PCCB: variants seen among roughly 807,000 people sequenced by gnomAD.
PCCB encodes propionyl-CoA carboxylase subunit beta.
In PCCB, 43 loss-of-function variants were observed where a neutral mutation model predicts 60.7. The observed-to-expected ratio is 0.71, with a 90% confidence interval of 0.55 to 0.91. The LOEUF is 0.91. Ranked by LOEUF, PCCB falls within the 40% of genes least tolerant of loss-of-function variation. The pLI, the probability that PCCB is intolerant of heterozygous loss-of-function variation, is 0.00. For missense variants in PCCB, 766 were observed against 702.8 expected (o/e 1.09, Z -1.02); for synonymous variants, 276 against 255.9 (o/e 1.08, Z -0.75).
intron 10 of PCCB, among the ~76,000 whole-genome samples, chr3:136,318,118 C>CA (rs1934975617): frequency 6.6e-6 from 1 of 152,304 alleles, no homozygotes; most frequent in Non-Finnish European, 1.5e-5. Context: ...GCGGGTGGAT[C>CA]ACGAGGTCTG....
At position 136,306,278 on chromosome 3, in the gene PCCB, T is replaced by G. The variant is rs776625324; in HGVS notation, c.966+5167T>G. ...TGAGTGCAGTAGCCCCTGATAAGCATTTGAGGTTGTAAAAATAGAAAATTC... is the reference window on the plus strand; with the variant it reads ...TGAGTGCAGTAGCCCCTGATAAGCAGTTGAGGTTGTAAAAATAGAAAATTC... On this transcript the variant is annotated intron_variant, in intron 9 of 14. Coordinates refer to ENST00000251654, the MANE Select transcript of PCCB (RefSeq NM_000532.5). Among the ~76,000 whole-genome samples the G allele has an allele frequency of 1.1e-4, 14 of 122,190 alleles. 4 individuals are homozygous for G. Among genetic ancestry groups the G allele is most frequent in the Non-Finnish European group, 2.0e-4 (11 of 54,826 alleles). 80.2% of individuals were successfully genotyped at this position (122,190 alleles called of 152,430 possible).
rs746102997 is a variant in PCCB, at chr3:136,283,855, G to A, written c.562G>A (p.Gly188Arg). 12 of 1,612,796 alleles carry A rather than the reference G, an allele frequency of 7.4e-6. No individual in the cohort carries two copies. The highest frequency in any genetic ancestry group is 5.3e-5 in the African/African-American group (4 of 74,864). The change falls in exon 6 of 15, where the codon GGA becomes AGA. Residue 188 changes from glycine to arginine, a missense_variant. Physicochemically the swap from Gly to Arg is moderately radical, Grantham distance 125. Transcript: ENST00000251654. Reference sequence around the variant, plus strand: ...TTGGCAGAGGAATGTTACGGCATCCGGAGTCATCCCTCAGATTTCTCTGAT... The same window carrying A: ...TTGGCAGAGGAATGTTACGGCATCCAGAGTCATCCCTCAGATTTCTCTGAT... ...DIFLRNVTAS[G>R]VIPQISLIMG...
chr3:136,297,291 T>C (rs563806847), intron 7 of PCCB, among the ~76,000 whole-genome samples: 1 of 152,152 alleles, frequency 6.6e-6, no homozygotes, highest in South Asian at 2.1e-4. Context: ...TCTGTCAGCT[T>C]TGTGGACAAG....
chr3:136,324,500 C>T (rs1332031753), intron 10 of PCCB, among the ~76,000 whole-genome samples: 1 of 152,138 alleles, frequency 6.6e-6, no homozygotes, highest in African/African-American at 2.4e-5. Flanking sequence ...CAGATCTTTT[C>T]TGATCGTGTA....
chr3:136,326,108 G>C (rs949020668), intron 10 of PCCB, among the ~76,000 whole-genome samples: 2 of 152,138 alleles, frequency 1.3e-5, no homozygotes, highest in African/African-American at 4.8e-5. Flanking sequence ...CACCGCGCCT[G>C]GCCTACTGTT....
chr3:136,259,039 A>G, intron 3 of PCCB: 1 of 690,158 alleles, frequency 1.4e-6, no homozygotes, highest in Non-Finnish European at 2.0e-6. Flanking sequence ...CTTAATTCCT[A>G]ACTGTCTTTT....
At chr3:136,293,700 G>A (rs1560015750) in intron 6 of PCCB, 56 bp from the exon 7 acceptor site, 1 of 1,071,646 alleles carries the variant, frequency 9.3e-7, no homozygotes, top group African/African-American at 1.5e-5. Context: ...CAACTCTAAG[G>A]CTGTGACCAG....
intron 6 of PCCB, among the ~76,000 whole-genome samples, chr3:136,288,636 A>G (rs1933534000): frequency 6.9e-6 from 1 of 145,790 alleles, no homozygotes. Context: ...AAGCCACAGC[A>G]CCTGGTCTAT....
At position 136,262,169 on chromosome 3, in the gene PCCB, T is replaced by C; in HGVS notation, c.543+104T>C. 2.5e-5 allele frequency: 19 copies of C among 770,240 alleles called. No homozygotes were observed. In the South Asian group the frequency reaches 2.8e-4, roughly 11 times the overall value. 47.7% of individuals were successfully genotyped at this position (770,240 alleles called of 1,614,324 possible). A position where few individuals can be genotyped will look rare whatever the true frequency, so the allele number is the denominator to read the frequency against. The stretch of plus-strand genomic sequence containing the variant: ...ACTCTCCTCATTGTTCTCTGCCGCA[T>C]TGTGTCTGTTCTGTGGGTCCTTTCT... On this transcript the variant is annotated intron_variant, in intron 5 of 14. Transcript: ENST00000251654.
intron 9 of PCCB, among the ~76,000 whole-genome samples, chr3:136,313,797 T>A (rs2108222706): frequency 6.6e-6 from 1 of 152,328 alleles, no homozygotes. Flanking sequence ...TAGGTCTGTT[T>A]TTTGTAGCTA....
intron 2 of PCCB, 169 bp downstream of exon 2, chr3:136,256,144 T>C: frequency 1.0e-6 from 1 of 972,626 alleles, no homozygotes; most frequent in South Asian, 1.6e-5. Context: ...GCTTTCGCCA[T>C]GTTGGTCAGG....
At chr3:136,286,092 G>A (rs1401410260) in intron 6 of PCCB, among the ~76,000 whole-genome samples, 1 of 152,180 alleles carries the variant, frequency 6.6e-6, no homozygotes, top group Non-Finnish European at 1.5e-5. Flanking sequence ...ACTGTCTGAA[G>A]AACTTGTAGG....
chr3:136,314,025 G>C (rs1934777873), intron 9 of PCCB, among the ~76,000 whole-genome samples: 1 of 145,906 alleles, frequency 6.9e-6, no homozygotes, highest in Admixed American at 6.8e-5. Flanking sequence ...GGACGTTTTA[G>C]AAGGAGTCAC....
intron 5 of PCCB, among the ~76,000 whole-genome samples, chr3:136,279,813 G>A (rs905710035): frequency 4.0e-5 from 6 of 151,896 alleles, no homozygotes; most frequent in Admixed American, 1.3e-4. Flanking sequence ...GACTACAGGC[G>A]CGCACCACCA....
intron 3 of PCCB, among the ~76,000 whole-genome samples, chr3:136,259,762 A>G (rs1177791741): frequency 6.6e-6 from 1 of 152,020 alleles, no homozygotes; most frequent in Non-Finnish European, 1.5e-5. Context: ...ATATGTATGT[A>G]TTTTTTTAAA....
chr3:136,272,097 TC>T, intron 5 of PCCB, among the ~76,000 whole-genome samples: 1 of 152,358 alleles, frequency 6.6e-6, no homozygotes, highest in East Asian at 1.9e-4. Context: ...GCATGCTTTT[TC>T]TGCATGCAAT....
intron 8 of PCCB, among the ~76,000 whole-genome samples, chr3:136,298,662 C>G (rs935562550): frequency 1.3e-5 from 2 of 152,164 alleles, no homozygotes; most frequent in African/African-American, 2.4e-5. Flanking sequence ...TGGTGAAGAC[C>G]TTTCCTTTTG....
At chr3:136,314,013 T>C (rs1934776856) in intron 9 of PCCB, among the ~76,000 whole-genome samples, 1 of 150,414 alleles carries the variant, frequency 6.6e-6, no homozygotes, top group Non-Finnish European at 1.5e-5. Flanking sequence ...TAGCTGGACT[T>C]TGGACGTTTT....
chr3:136,326,826 G>C lies in PCCB; in HGVS notation c.1114G>C (p.Val372Leu), dbSNP rs1393320873. Reference sequence around the variant, plus strand: ...AGGATGCTTGGATATTAATTCATCTGTGAAAGGGGCTCGTTTTGTCAGATT... The same window carrying C: ...AGGATGCTTGGATATTAATTCATCTCTGAAAGGGGCTCGTTTTGTCAGATT... The part of the protein sequence containing the change: ...ASGCLDINSS[V>L]KGARFVRFCD... Residue 372 changes from valine to leucine, a missense_variant, in exon 11 of 15, where the codon GTG becomes CTG. Coordinates refer to ENST00000251654, the MANE Select transcript of PCCB (RefSeq NM_000532.5). The C allele has an allele frequency of 6.2e-7, 1 of 1,610,082 alleles. No homozygotes were observed. The highest frequency in any genetic ancestry group is 1.1e-5 in the South Asian group (1 of 90,968).
Sources: allele counts gnomAD v4.1 joint callset (sites outside exome capture counted in the v4.1 genomes callset), GRCh38; gene constraint gnomAD v4.1.1; transcripts MANE v1.5; gene names NCBI Gene and HGNC (gene_info 2026-07-23, HGNC 2026-07-21).